PSMD14: variants seen among roughly 807,000 people sequenced by gnomAD.
The protein encoded by PSMD14 is ubiquitin C-terminal hydrolase PSMD14.
In PSMD14, 7 loss-of-function variants were observed where a neutral mutation model predicts 41.2. The observed-to-expected ratio is 0.17, with a 90% CI of 0.10 to 0.32. The LOEUF is 0.32. Among genes scored for constraint, PSMD14 ranks in the 10% least tolerant of loss-of-function variants. PSMD14 has a pLI of 1.00. For synonymous variants in PSMD14, 114 were observed against 122.3 expected (o/e 0.93, Z 0.45); for missense variants, 139 against 375.6 (o/e 0.37, Z 5.21).
At chr2:161,377,471 T>C (rs1180342807) in intron 7 of PSMD14, among the ~76,000 whole-genome samples, 1 of 151,904 alleles carries the variant, frequency 6.6e-6, no homozygotes, top group Non-Finnish European at 1.5e-5. Context: ...TAGGTACTAA[T>C]TTGCCTATAC....
intron 8 of PSMD14, among the ~76,000 whole-genome samples, chr2:161,389,893 T>G (rs1284561823): frequency 3.6e-4 from 36 of 100,954 alleles, no homozygotes; most frequent in South Asian, 1.2e-3. Flanking sequence ...TTTGTTGTTT[T>G]TTTTTTTTTT....
intron 8 of PSMD14, among the ~76,000 whole-genome samples, chr2:161,389,917 A>C (rs1170021170): frequency 2.1e-4 from 1 of 4,652 alleles, no homozygotes; most frequent in East Asian, 0.025. Flanking sequence ...TTTTTTAGAG[A>C]TGGGGTATTG....
At chr2:161,321,912 C>T (rs1206877272) in intron 3 of PSMD14, among the ~76,000 whole-genome samples, 1 of 151,992 alleles carries the variant, frequency 6.6e-6, no homozygotes, top group Non-Finnish European at 1.5e-5. Flanking sequence ...CTTTGGTTTC[C>T]GAGTTTTTAT....
chr2:161,403,939 G>T (rs1306137560), intron 10 of PSMD14, among the ~76,000 whole-genome samples: 1 of 151,320 alleles, frequency 6.6e-6, no homozygotes, highest in African/African-American at 2.4e-5. Flanking sequence ...ACCAGGTCTT[G>T]CTCTGTTGCC....
rs559701160 is a variant in PSMD14 at position 161,405,953 on chromosome 2, A to G, written c.772-2884A>G. 2.6e-5 allele frequency among the ~76,000 whole-genome samples: 4 copies of G among 152,322 alleles called. No homozygotes were observed. In the South Asian group the frequency reaches 8.3e-4, roughly 32 times the overall value. On this transcript the variant is annotated intron_variant, in intron 10 of 11. Transcript: ENST00000409682. Reference sequence around the variant, plus strand: ...AGGCTAAGGGAATAGAAGAGAAGACAGATGTTGGAGTAGCTCTAAGTATGT... The same window carrying G: ...AGGCTAAGGGAATAGAAGAGAAGACGGATGTTGGAGTAGCTCTAAGTATGT...
chr2:161,411,168 A>G, intron 11 of PSMD14, 134 bp from the exon 12 acceptor site: 1 of 525,762 alleles, frequency 1.9e-6, no homozygotes, highest in South Asian at 3.1e-5. Context: ...ATATACTAGT[A>G]AAGTTAAATT....
intron 3 of PSMD14, chr2:161,341,199 T>C (rs1207685987): frequency 4.7e-5 from 45 of 961,200 alleles, no homozygotes; most frequent in Middle Eastern, 5.2e-4. Context: ...GGGCGCGGGT[T>C]CCGGGGGCGC....
intron 6 of PSMD14, among the ~76,000 whole-genome samples, chr2:161,370,830 C>G (rs1024853040): frequency 6.6e-6 from 1 of 152,106 alleles, no homozygotes; most frequent in Non-Finnish European, 1.5e-5. Context: ...CTGGAAAATC[C>G]AACTCCCAGA....
At chr2:161,371,392 A>C in intron 7 of PSMD14, 70 bp downstream of exon 7, 1 of 1,460,168 alleles carries the variant, frequency 6.8e-7, no homozygotes, top group Non-Finnish European at 9.2e-7. Flanking sequence ...AATAAAAATC[A>C]ATTTTGTTCA....
intron 3 of PSMD14, among the ~76,000 whole-genome samples, chr2:161,336,619 A>T (rs898422520): frequency 1.3e-5 from 2 of 152,156 alleles, no homozygotes; most frequent in Non-Finnish European, 2.9e-5. Context: ...TCTGTTGCCC[A>T]GACTGGAGTG....
At chr2:161,409,036 G>T in intron 11 of PSMD14, 137 bp downstream of exon 11, 1 of 607,148 alleles carries the variant, frequency 1.6e-6, no homozygotes, top group East Asian at 3.0e-5. Context: ...GATACTAATT[G>T]TAAAGGTCAC....
At chr2:161,360,191 ATTT>A (rs35876321) in intron 3 of PSMD14, among the ~76,000 whole-genome samples, 7 of 138,026 alleles carry the variant, frequency 5.1e-5, no homozygotes, top group Admixed American at 7.4e-5. Flanking sequence ...ATATGCATGT[ATTT>A]TTTTTTTTTT....
At chr2:161,405,910 A>G (rs893132946) in intron 10 of PSMD14, among the ~76,000 whole-genome samples, 1 of 152,184 alleles carries the variant, frequency 6.6e-6, no homozygotes, top group Non-Finnish European at 1.5e-5. Context: ...TAAGAGAGAT[A>G]CAGGGTGGCA....
chr2:161,350,682 A>T (rs1683106579), intron 3 of PSMD14, among the ~76,000 whole-genome samples: 1 of 152,238 alleles, frequency 6.6e-6, no homozygotes, highest in South Asian at 2.1e-4. Context: ...TAAATTGAGG[A>T]ATAAGTGGAT....
chr2:161,311,650 G>A (rs1210372014), intron 1 of PSMD14, among the ~76,000 whole-genome samples: 1 of 47,014 alleles, frequency 2.1e-5, no homozygotes, highest in African/African-American at 8.3e-5. Flanking sequence ...TTTTTTTTTT[G>A]AGATGAAACC....
At chr2:161,391,845 C>T (rs1683716333) in intron 9 of PSMD14, among the ~76,000 whole-genome samples, 1 of 152,096 alleles carries the variant, frequency 6.6e-6, no homozygotes, top group Non-Finnish European at 1.5e-5. Flanking sequence ...GTGATCCTCT[C>T]ACCTCAGCCT....
At chr2:161,363,272 C>T (rs932711007) in intron 3 of PSMD14, among the ~76,000 whole-genome samples, 4 of 152,136 alleles carry the variant, frequency 2.6e-5, no homozygotes, top group African/African-American at 9.7e-5. Context: ...GAAACTGGTC[C>T]CTGGCACCAA....
At chr2:161,351,523 G>A (rs749224487) in intron 3 of PSMD14, among the ~76,000 whole-genome samples, 1 of 152,140 alleles carries the variant, frequency 6.6e-6, no homozygotes, top group Non-Finnish European at 1.5e-5. Context: ...GTAAAGGAAA[G>A]CCCTTTGCCC....
intron 3 of PSMD14, among the ~76,000 whole-genome samples, chr2:161,327,976 G>GTGTGTGTGTGTT (rs1682726580): frequency 6.7e-6 from 1 of 149,980 alleles, no homozygotes; most frequent in Non-Finnish European, 1.5e-5. Context: ...GTGTGTGTGT[G>GTGTGTGTGTGTT]TGTGTGTGAG....
Sources: allele counts gnomAD v4.1 joint callset (sites outside exome capture counted in the v4.1 genomes callset), GRCh38; gene constraint gnomAD v4.1.1; transcripts MANE v1.5; gene names NCBI Gene and HGNC (gene_info 2026-07-23, HGNC 2026-07-21).